The following XYLT1 variants were observed in gnomAD, a reference collection of about 807,000 sequenced individuals.
XYLT1 encodes xylosyltransferase 1.
XYLT1 carries 36 observed loss-of-function variants against 91.3 expected under a neutral mutation model. The observed-to-expected ratio is 0.39, with a 90% CI of 0.30 to 0.52. The LOEUF (loss-of-function observed/expected upper bound fraction) is 0.52, where lower values mean the gene tolerates loss of function less well. Ranked by LOEUF, XYLT1 falls within the 20% of genes least tolerant of loss-of-function variation. The probability of loss-of-function intolerance (pLI) is 0.68; values close to 1 mark genes in which losing one functional copy is unlikely to be tolerated. For synonymous variants in XYLT1, 588 were observed against 532.0 expected (o/e 1.11, Z -1.45); for missense variants, 1,242 against 1,284.5 (o/e 0.97, Z 0.51).
chr16:17,452,698 C>T (rs890113391), intron 1 of XYLT1, among the ~76,000 whole-genome samples: 29 of 152,106 alleles, frequency 1.9e-4, no homozygotes, highest in Non-Finnish European at 4.0e-4. Flanking sequence ...CTTTTAGAGG[C>T]TAATTTTCAA....
At position 17,134,514 on chromosome 16, in the gene XYLT1, C is replaced by A. The variant is rs1269585729; in HGVS notation, c.1986G>T (p.Arg662=). Residue 662 remains arginine, a synonymous_variant, in exon 9 of 12, where the codon CGG becomes CGT. Coordinates refer to ENST00000261381, the MANE Select transcript of XYLT1 (RefSeq NM_022166.4). ...CATCCGTGTGCAGGGACGTCTCGGC[C>A]CGTCGAAGACCCAGGCGGGCAAAGG... ...YHSFARLGLR[R]AETSLHTDGE... is the part of the protein sequence containing the mutation. 1 of 1,614,020 alleles carries A rather than the reference C, an allele frequency of 6.2e-7. No individual in the cohort carries two copies. The highest frequency in any genetic ancestry group is 8.5e-7 in the Non-Finnish European group (1 of 1,180,046).
chr16:17,153,012 G>GAGAGTTATTGAACATA (rs571785031), intron 6 of XYLT1, among the ~76,000 whole-genome samples: 6 of 152,064 alleles, frequency 3.9e-5, no homozygotes. Flanking sequence ...CAGTGGACAT[G>GAGAGTTATTGAACATA]AGAGTTATTG....
intron 1 of XYLT1, among the ~76,000 whole-genome samples, chr16:17,427,375 G>A (rs989269576): frequency 2.0e-5 from 3 of 152,118 alleles, no homozygotes; most frequent in Admixed American, 6.6e-5. Flanking sequence ...CTCGCCTCAC[G>A]GCAGCCTCCC....
At chr16:17,220,418 G>A (rs984159769) in intron 3 of XYLT1, among the ~76,000 whole-genome samples, 5 of 152,160 alleles carry the variant, frequency 3.3e-5, no homozygotes, top group Admixed American at 1.3e-4. Context: ...GTGGGTAGCC[G>A]GGATTGGAGG....
intron 3 of XYLT1, among the ~76,000 whole-genome samples, chr16:17,202,194 T>A (rs563665530): frequency 2.1e-4 from 32 of 152,330 alleles, no homozygotes; most frequent in African/African-American, 7.7e-4. Flanking sequence ...TCTGGGTTTA[T>A]GGGACCCAGG....
At chr16:17,138,253 C>CACCATGTGAT in intron 8 of XYLT1, 102 bp downstream of exon 8, 1 of 1,407,386 alleles carries the variant, frequency 7.1e-7, no homozygotes, top group Non-Finnish European at 9.7e-7. Flanking sequence ...CAGGTTTGGG[C>CACCATGTGAT]ACCATGTGAT....
intron 8 of XYLT1, among the ~76,000 whole-genome samples, chr16:17,138,048 GAGTATGGCCTTTGGA>G (rs1269338037): frequency 1.9e-5 from 1 of 51,734 alleles, no homozygotes; most frequent in African/African-American, 1.5e-4. Context: ...AAGATGATAT[GAGTATGGCCTTTGGA>G]AAGTTTTTTT....
chr16:17,229,942 A>G (rs974925175), intron 3 of XYLT1, among the ~76,000 whole-genome samples: 1 of 152,186 alleles, frequency 6.6e-6, no homozygotes, highest in Non-Finnish European at 1.5e-5. Context: ...ATCTTCTCCT[A>G]AGGCCATGTG....
At chr16:17,323,933 C>T (rs1188832754) in intron 2 of XYLT1, among the ~76,000 whole-genome samples, 1 of 152,184 alleles carries the variant, frequency 6.6e-6, no homozygotes, top group Non-Finnish European at 1.5e-5. Flanking sequence ...TTATTCAGAG[C>T]TGGCCAACTT....
rs540520532 is a variant in XYLT1, at chr16:17,312,451, T to G, written c.402+45561A>C. On this transcript the variant is annotated intron_variant, in intron 2 of 11. Transcript: ENST00000261381. This position sits in a 1 kb window ranked among gnomAD's most constrained non-coding sequence, Gnocchi z 4.4. The stretch of plus-strand genomic sequence containing the variant: ...TCTCAGGGCCTTACCCGCATTAACA[T>G]GTTTTTCTTTCTAACTTAAAAAAAT... 6.6e-6 allele frequency among the ~76,000 whole-genome samples: 1 copy of G among 152,320 alleles called. No individual in the cohort carries two copies. Among genetic ancestry groups the G allele is most frequent in the South Asian group, 2.1e-4 (1 of 4,826 alleles).
intron 2 of XYLT1, among the ~76,000 whole-genome samples, chr16:17,332,167 C>T (rs532374100): frequency 7.2e-5 from 11 of 152,352 alleles, no homozygotes; most frequent in Admixed American, 2.0e-4. Context: ...GCTGACTGTA[C>T]GTGACACATA....
At chr16:17,284,330 T>C (rs544318238) in intron 2 of XYLT1, among the ~76,000 whole-genome samples, 1 of 152,184 alleles carries the variant, frequency 6.6e-6, no homozygotes, top group Non-Finnish European at 1.5e-5. Flanking sequence ...CTAGGCAACA[T>C]ACATTGTGCT....
intron 5 of XYLT1, among the ~76,000 whole-genome samples, chr16:17,183,071 A>G (rs888732376): frequency 3.9e-5 from 6 of 152,200 alleles, no homozygotes; most frequent in Non-Finnish European, 8.8e-5. Flanking sequence ...TACACAACAC[A>G]CTGCATAAAG....
intron 2 of XYLT1, among the ~76,000 whole-genome samples, chr16:17,344,899 C>T (rs1023596176): frequency 6.6e-6 from 1 of 152,060 alleles, no homozygotes; most frequent in East Asian, 1.9e-4. Context: ...CGGTGTTTCA[C>T]CATGTTGGCC....
intron 11 of XYLT1, among the ~76,000 whole-genome samples, chr16:17,112,884 G>A (rs1431061325): frequency 2.0e-5 from 3 of 147,638 alleles, no homozygotes; most frequent in African/African-American, 7.3e-5. Context: ...CTTGTTGCCA[G>A]GCTGGAGTGC....
At chr16:17,201,712 G>A (rs1045051221) in intron 3 of XYLT1, among the ~76,000 whole-genome samples, 2 of 152,058 alleles carry the variant, frequency 1.3e-5, no homozygotes, top group Non-Finnish European at 2.9e-5. Flanking sequence ...CTGACCTCAG[G>A]TGATCTGCCT....
In XYLT1 at chr16:17,117,910, C is replaced by G. The variant is rs759525034; in HGVS notation, c.2293G>C (p.Glu765Gln). The G allele has an allele frequency of 2.5e-6, 4 of 1,614,132 alleles. No homozygotes were observed. The East Asian group carries it at 8.9e-5, about 36-fold the overall frequency. Residue 765 changes from glutamate to glutamine, a missense_variant, in exon 11 of 12, where the codon GAG becomes CAG. Physicochemically the swap from Glu to Gln is conservative, Grantham distance 29 (BLOSUM62 2). Around this residue, in one of 3 missense-constraint regions of XYLT1, gnomAD observed 511 missense variants for 497.0 expected, o/e 1.03. Coordinates refer to ENST00000261381, the MANE Select transcript of XYLT1 (RefSeq NM_022166.4). ...CCCCACTTCTGCATACCCACCGGCTCATCCATGGGCCCCAGAAGACCCCCA... is the reference window on the plus strand; with the variant it reads ...CCCCACTTCTGCATACCCACCGGCTGATCCATGGGCCCCAGAAGACCCCCA... ...NFGGLLGPMD[E>Q]PVGMQKWGKG... is the part of the protein sequence containing the mutation.
intron 3 of XYLT1, among the ~76,000 whole-genome samples, chr16:17,204,781 C>T (rs2032610329): frequency 6.6e-6 from 1 of 151,840 alleles, no homozygotes; most frequent in South Asian, 2.1e-4. Context: ...ATCCCAGAGC[C>T]CTGTCATGGT....
intron 3 of XYLT1, among the ~76,000 whole-genome samples, chr16:17,258,689 C>T (rs1236293230): frequency 6.6e-6 from 1 of 152,200 alleles, no homozygotes; most frequent in Admixed American, 6.5e-5. Context: ...ATCAATACAG[C>T]TCCCTTGGCT....
Sources: allele counts gnomAD v4.1 joint callset (sites outside exome capture counted in the v4.1 genomes callset), GRCh38; gene constraint gnomAD v4.1.1; regional missense constraint gnomAD v4.1.1; non-coding constraint Gnocchi (gnomAD v3.1); transcripts MANE v1.5; gene names NCBI Gene and HGNC (gene_info 2026-07-23, HGNC 2026-07-21).